The following PLAC9 variants were observed in gnomAD, a reference collection of about 807,000 sequenced individuals.
PLAC9 encodes placenta associated 9.
PLAC9 carries 12 observed loss-of-function variants against 11.5 expected under a neutral mutation model. That is an observed-to-expected ratio of 1.05 (90% confidence interval 0.67 to 1.69). The LOEUF is 1.69. PLAC9 is among the 40% of genes most tolerant of loss of function. The probability of loss-of-function intolerance (pLI) is 0.00; values close to 1 mark genes in which losing one functional copy is unlikely to be tolerated. For missense variants in PLAC9, 132 were observed against 130.5 expected (o/e 1.01, Z -0.06); for synonymous variants, 62 against 58.1 (o/e 1.07, Z -0.31).
chr10:80,137,479 AG>A (rs372871950), intron 1 of PLAC9, among the ~76,000 whole-genome samples: 8 of 152,310 alleles, frequency 5.3e-5, no homozygotes, highest in African/African-American at 1.9e-4. Flanking sequence ...CAGAGCCAGC[AG>A]GGGGGTATGT....
At chr10:80,143,958 G>C (rs1299380364) in intron 2 of PLAC9, 1 of 474,922 alleles carries the variant, frequency 2.1e-6, no homozygotes, top group East Asian at 4.0e-5. Flanking sequence ...AAAGGGAGAA[G>C]GTATTCTACA....
chr10:80,134,338 A>G (rs1844949629), intron 1 of PLAC9, among the ~76,000 whole-genome samples: 1 of 148,776 alleles, frequency 6.7e-6, no homozygotes, highest in Non-Finnish European at 1.5e-5. Context: ...ATCTCAGCTC[A>G]CTGCAACCTC....
At chr10:80,134,947 C>T (rs1844956831) in intron 1 of PLAC9, among the ~76,000 whole-genome samples, 1 of 152,244 alleles carries the variant, frequency 6.6e-6, no homozygotes, top group African/African-American at 2.4e-5. Context: ...ACCTCCACCC[C>T]TTATATTTTC....
At chr10:80,139,064 G>A (rs1488832737) in intron 1 of PLAC9, among the ~76,000 whole-genome samples, 1 of 148,108 alleles carries the variant, frequency 6.8e-6, no homozygotes, top group Non-Finnish European at 1.5e-5. Context: ...CCATTCTCCT[G>A]CCTCAGCCTC....
intron 2 of PLAC9, 146 bp downstream of exon 2, chr10:80,142,325 A>C: frequency 3.3e-6 from 2 of 609,730 alleles, no homozygotes; most frequent in Non-Finnish European, 2.8e-6. Flanking sequence ...TCACCCTCCC[A>C]TCTAGGCTGC....
At chr10:80,141,176 C>T (rs1746992505) in intron 1 of PLAC9, among the ~76,000 whole-genome samples, 1 of 152,192 alleles carries the variant, frequency 6.6e-6, no homozygotes, top group Non-Finnish European at 1.5e-5. Flanking sequence ...CCTGCCTCTG[C>T]TCATCACTTC....
chr10:80,132,806 G>T lies in PLAC9; in HGVS notation c.44G>T (p.Arg15Leu). 1 of 1,497,434 alleles carries T rather than the reference G, an allele frequency of 6.7e-7. No individual in the cohort carries two copies. Among genetic ancestry groups the T allele is most frequent in the Non-Finnish European group, 8.8e-7 (1 of 1,130,964 alleles). 92.8% of individuals were successfully genotyped at this position (1,497,434 alleles called of 1,614,324 possible). A position where few individuals can be genotyped will look rare whatever the true frequency, so the allele number is the denominator to read the frequency against. Residue 15 changes from arginine (R) to leucine (L), a missense_variant, in exon 1 of 4, where the codon CGC becomes CTC. Arg to Leu is a moderately radical substitution (Grantham distance 102). Coordinates refer to ENST00000372263, the MANE Select transcript of PLAC9 (RefSeq NM_001012973.3). ...LCALTGLALL[R>L]AAGSLAAAEP... ...GCGCTGACCGGACTGGCCCTGCTCC[G>T]CGCCGCGGGCTCTTTGGCCGGTGAG...
intron 1 of PLAC9, among the ~76,000 whole-genome samples, chr10:80,135,010 G>GTTTATTTA (rs148037377): frequency 0.099 from 11,730 of 118,128 alleles, 625 homozygotes; most frequent in South Asian, 0.23. Context: ...TGGTTTGTTT[G>GTTTATTTA]TTTGTTTATT....
intron 3 of PLAC9, among the ~76,000 whole-genome samples, chr10:80,144,578 C>T (rs1484084843): frequency 2.0e-5 from 3 of 151,128 alleles, no homozygotes; most frequent in African/African-American, 7.3e-5. Flanking sequence ...GAAGAGCCGG[C>T]CCTAGATGCC....
chr10:80,143,045 T>C (rs1845058947), intron 2 of PLAC9, among the ~76,000 whole-genome samples: 1 of 117,476 alleles, frequency 8.5e-6, no homozygotes, highest in Admixed American at 9.1e-5. Context: ...ACATCAAAAA[T>C]TTAAATTTTT....
intron 1 of PLAC9, among the ~76,000 whole-genome samples, chr10:80,139,972 G>A (rs528311016): frequency 2.9e-4 from 44 of 152,166 alleles, no homozygotes; most frequent in Non-Finnish European, 5.6e-4. Flanking sequence ...TCCTCCCTAC[G>A]TGATCTCCAT....
At chr10:80,142,728 A>AT (rs201783236) in intron 2 of PLAC9, among the ~76,000 whole-genome samples, 11,140 of 151,864 alleles carry the variant, frequency 0.073, 579 homozygotes, top group African/African-American at 0.14. Context: ...AATACATTTT[A>AT]TTTTTTTTGA....
rs1422520486 is a variant in PLAC9 at position 80,144,961 on chromosome 10, G to A, written c.*51G>A. 26 of 1,560,778 alleles carry A rather than the reference G, an allele frequency of 1.7e-5. No individual in the cohort carries two copies. The highest frequency in any genetic ancestry group is 2.4e-5 in the East Asian group (1 of 42,498). On this transcript the variant is annotated 3_prime_UTR_variant, in exon 4 of 4. Transcript: ENST00000372263. ...GGAGGTGGTGCACCTGCCAGGCAGC[G>A]CCCACAGAACCAGCCCTGTCCTCTC... is the stretch of plus-strand genomic sequence containing the variant.
intron 1 of PLAC9, among the ~76,000 whole-genome samples, chr10:80,141,501 A>G (rs997945458): frequency 6.6e-6 from 1 of 152,200 alleles, no homozygotes; most frequent in Non-Finnish European, 1.5e-5. Flanking sequence ...CAGGAGGCTG[A>G]GGCAGGAGAA....
chr10:80,135,233 A>G (rs1844961492), intron 1 of PLAC9, among the ~76,000 whole-genome samples: 1 of 151,196 alleles, frequency 6.6e-6, no homozygotes, highest in Non-Finnish European at 1.5e-5. Context: ...TGTGTTAGCC[A>G]GGATGGTCTC....
chr10:80,134,085 T>C (rs547337831), intron 1 of PLAC9, among the ~76,000 whole-genome samples: 53 of 152,032 alleles, frequency 3.5e-4, no homozygotes, highest in Non-Finnish European at 6.9e-4. Flanking sequence ...AACTTTTGGA[T>C]ACAAAAAAAT....
intron 2 of PLAC9, among the ~76,000 whole-genome samples, chr10:80,142,558 C>T (rs1273827609): frequency 6.6e-6 from 1 of 152,120 alleles, no homozygotes; most frequent in Non-Finnish European, 1.5e-5. Flanking sequence ...AACAGCGAGC[C>T]GTGGTATTAA....
In PLAC9 at chr10:80,132,752, A is replaced by G; in HGVS notation, c.-11A>G. On this transcript the variant is annotated 5_prime_UTR_variant, in exon 1 of 4. Transcript: ENST00000372263. ...GGCAGACGCGGCGCTGCGCTCGGCC[A>G]GGCCGGCACCATGCGGCCCCTGCTC... is the stretch of plus-strand genomic sequence containing the variant. 6.9e-7 allele frequency: 1 copy of G among 1,453,820 alleles called. No homozygotes were observed. The highest frequency in any genetic ancestry group is 9.0e-7 in the Non-Finnish European group (1 of 1,113,068). 90.1% of individuals were successfully genotyped at this position (1,453,820 alleles called of 1,614,324 possible). A position where few individuals can be genotyped will look rare whatever the true frequency, so the allele number is the denominator to read the frequency against.
At chr10:80,136,151 C>T (rs1355402596) in intron 1 of PLAC9, among the ~76,000 whole-genome samples, 5 of 152,332 alleles carry the variant, frequency 3.3e-5, no homozygotes, top group East Asian at 3.9e-4. Context: ...CCAGCCCAGC[C>T]GAGCCCTCCT....
Sources: gnomAD v4.1 joint callset for allele counts (sites outside exome capture counted in the v4.1 genomes callset) on GRCh38, gnomAD v4.1.1 for gene constraint, MANE v1.5 for transcripts, NCBI Gene and HGNC (gene_info 2026-07-23, HGNC 2026-07-21) for gene names.